Variants in DOCK7 observed in about 807,000 individuals in gnomAD.
DOCK7 encodes dedicator of cytokinesis 7, also known as dedicator of cytokinesis protein 7.
DOCK7 carries 138 observed loss-of-function variants against 271.0 expected under a neutral mutation model. That is an observed-to-expected ratio of 0.51 (90% CI 0.44 to 0.59). The LOEUF (loss-of-function observed/expected upper bound fraction) is 0.59. DOCK7 is among the 20% of genes least tolerant of loss of function. The pLI is 0.00. For synonymous variants in DOCK7, 823 were observed against 876.1 expected (o/e 0.94, Z 1.07); for missense variants, 2,066 against 2,592.4 (o/e 0.80, Z 4.41).
chr1:62,549,178 G>A (rs1645809672), intron 22 of DOCK7, among the ~76,000 whole-genome samples: 1 of 152,068 alleles, frequency 6.6e-6, no homozygotes, highest in African/African-American at 2.4e-5. Context: ...CTAACAGAAT[G>A]TAGTACCCTG....
chr1:62,460,554 G>C (rs531846297), intron 48 of DOCK7, among the ~76,000 whole-genome samples: 21 of 151,902 alleles, frequency 1.4e-4, no homozygotes, highest in South Asian at 1.2e-3. Context: ...GGTATCCACA[G>C]AAGGCACACT....
Position 62,648,202 on chromosome 1 carries a change from A to G in DOCK7, c.636T>C (p.Asp212=). ...LPDALLPNLL[D]RTPNEEIDRQ... ...GGTCTATTTCTTCATTTGGAGTTCG[A>G]TCAAGTAAATTGGGAAGCAAAGCAT... is the stretch of plus-strand genomic sequence containing the variant. Residue 212 remains aspartate (D), a synonymous_variant, in exon 6 of 50, where the codon GAT becomes GAC. Transcript: ENST00000635253. 6.2e-7 allele frequency: 1 copy of G among 1,613,742 alleles called. No homozygotes were observed. The highest frequency in any genetic ancestry group is 8.5e-7 in the Non-Finnish European group (1 of 1,179,788).
intron 44 of DOCK7, among the ~76,000 whole-genome samples, chr1:62,476,633 T>A (rs533851610): frequency 6.6e-6 from 1 of 152,190 alleles, no homozygotes; most frequent in Non-Finnish European, 1.5e-5. Context: ...CATTGACCTG[T>A]TGCAGTTCTC....
At chr1:62,545,809 A>G (rs1645686588) in intron 22 of DOCK7, among the ~76,000 whole-genome samples, 1 of 152,154 alleles carries the variant, frequency 6.6e-6, no homozygotes, top group Admixed American at 6.6e-5. Flanking sequence ...GAAAGGGGTT[A>G]CTGTGATTCC....
chr1:62,642,941 C>T (rs1029076541), intron 7 of DOCK7, among the ~76,000 whole-genome samples: 2 of 152,150 alleles, frequency 1.3e-5, no homozygotes, highest in Non-Finnish European at 2.9e-5. Flanking sequence ...TTTCTCCATA[C>T]CTTGAATTCA....
chr1:62,656,219 TG>T (rs1571919084), intron 2 of DOCK7, among the ~76,000 whole-genome samples: 2 of 152,126 alleles, frequency 1.3e-5, no homozygotes, highest in African/African-American at 4.8e-5. Flanking sequence ...CAAACATACA[TG>T]CTTAAAACTA....
chr1:62,521,828 T>C (rs972970469), intron 31 of DOCK7, among the ~76,000 whole-genome samples: 1 of 151,762 alleles, frequency 6.6e-6, no homozygotes, highest in African/African-American at 2.4e-5. Flanking sequence ...ATACAAACAT[T>C]AGTCAGGCAC....
intron 31 of DOCK7, among the ~76,000 whole-genome samples, chr1:62,524,411 T>C (rs957909176): frequency 2.6e-5 from 4 of 152,100 alleles, no homozygotes; most frequent in African/African-American, 7.2e-5. Context: ...GCAGGATATA[T>C]ATAAAAGAAA....
chr1:62,667,764 T>C (rs1317870557), intron 1 of DOCK7, among the ~76,000 whole-genome samples: 2 of 152,100 alleles, frequency 1.3e-5, no homozygotes, highest in Non-Finnish European at 2.9e-5. Flanking sequence ...ACGCCTGTAA[T>C]CCCAGCACTT....
At chr1:62,635,078 CTT>C in intron 8 of DOCK7, 156 bp from the exon 9 acceptor site, 1 of 439,350 alleles carries the variant, frequency 2.3e-6, no homozygotes, top group Non-Finnish European at 4.0e-6. Flanking sequence ...AACATTTAAT[CTT>C]AATAAATTAA....
intron 1 of DOCK7, among the ~76,000 whole-genome samples, chr1:62,673,035 A>G (rs1660181780): frequency 6.6e-6 from 1 of 152,138 alleles, no homozygotes; most frequent in Non-Finnish European, 1.5e-5. Flanking sequence ...ATGTATGGCT[A>G]AATAAAATGC....
chr1:62,524,414 A>T (rs1375070220), intron 31 of DOCK7, among the ~76,000 whole-genome samples: 1 of 152,204 alleles, frequency 6.6e-6, no homozygotes, highest in South Asian at 2.1e-4. Flanking sequence ...GGATATATAT[A>T]AAAGAAAGTC....
rs542623252 is a variant in DOCK7, at chr1:62,543,836, A to G, written c.2860-91T>C. On this transcript the variant is annotated intron_variant, in intron 23 of 49. Coordinates refer to ENST00000635253, the MANE Select transcript of DOCK7 (RefSeq NM_001367561.1). ...GATGGATTATGTACAAGTTTAAAAC[A>G]GAGTTTTATTATGGTTTCAAAAACC... 35 of 875,918 alleles carry G rather than the reference A, an allele frequency of 4.0e-5. No homozygotes were observed. The African/African-American group carries it at 5.5e-4, about 14-fold the overall frequency. The allele number at this position is 875,918 out of a possible 1,614,324, so 54.3% of individuals were successfully genotyped here. A position where few individuals can be genotyped will look rare whatever the true frequency, so the allele number is the denominator to read the frequency against.
rs564443129 is a variant in DOCK7, at chr1:62,668,261, G to C, written c.39-5131C>G. Among the ~76,000 whole-genome samples the C allele has an allele frequency of 2.9e-4, 44 of 152,266 alleles. No individual in the cohort carries two copies. In the South Asian group the frequency reaches 7.7e-3, roughly 27 times the overall value. ...TGCTATGTGCCAAAATCTCTTACGG[G>C]TCAATGTGGTGGATAAATTAACAAG... On this transcript the variant is annotated intron_variant, in intron 1 of 49. Coordinates refer to ENST00000635253, the MANE Select transcript of DOCK7 (RefSeq NM_001367561.1).
chr1:62,682,145 A>T lies in DOCK7; in HGVS notation c.38+6082T>A, dbSNP rs147928592. 1.6e-3 allele frequency among the ~76,000 whole-genome samples: 239 copies of T among 152,316 alleles called. 4 individuals carry two copies. The highest frequency in any genetic ancestry group is 5.3e-3 in the African/African-American group (222 of 41,572). On this transcript the variant is annotated intron_variant, in intron 1 of 49. Coordinates refer to ENST00000635253, the MANE Select transcript of DOCK7 (RefSeq NM_001367561.1). ...CCAGACTGACTGGAGGACAATATGT[A>T]AACTAGAGAACAAGTCAACAAAAGG...
chr1:62,552,780 C>A lies in DOCK7; in HGVS notation c.2718G>T (p.Gly906=). 1 of 1,613,736 alleles carries A rather than the reference C, an allele frequency of 6.2e-7. No individual in the cohort carries two copies. The highest frequency in any genetic ancestry group is 8.5e-7 in the Non-Finnish European group (1 of 1,179,818). Residue 906 remains glycine (G), a synonymous_variant, in exon 22 of 50, where the codon GGG becomes GGT. Transcript: ENST00000635253. Reference sequence around the variant, plus strand: ...CTTCATCATCTGGTGACGTGGGAGTCCCAGATATATCTGGATTGCTATTAC... The same window carrying A: ...CTTCATCATCTGGTGACGTGGGAGTACCAGATATATCTGGATTGCTATTAC... ...SLSNSNPDIS[G]TPTSPDDEVR...
At chr1:62,509,573 C>T (rs1428215434) in intron 34 of DOCK7, among the ~76,000 whole-genome samples, 1 of 151,940 alleles carries the variant, frequency 6.6e-6, no homozygotes, top group African/African-American at 2.4e-5. Context: ...TAAAAAATAA[C>T]ACATGTAGAA....
intron 27 of DOCK7, among the ~76,000 whole-genome samples, chr1:62,538,324 T>C (rs148752245): frequency 3.0e-4 from 45 of 152,356 alleles, no homozygotes; most frequent in Admixed American, 4.6e-4. Context: ...TTTCTACTTC[T>C]CATAAAACAG....
intron 31 of DOCK7, among the ~76,000 whole-genome samples, chr1:62,521,696 C>T (rs1057488382): frequency 1.3e-5 from 2 of 152,158 alleles, no homozygotes; most frequent in Non-Finnish European, 1.5e-5. Context: ...GTTAAGAAGA[C>T]CAGGTGCAGT....
Sources: gnomAD v4.1 joint callset for allele counts (sites outside exome capture counted in the v4.1 genomes callset) on GRCh38, gnomAD v4.1.1 for gene constraint, MANE v1.5 for transcripts, NCBI Gene and HGNC (gene_info 2026-07-23, HGNC 2026-07-21) for gene names.